Variants in FER observed in about 807,000 individuals in gnomAD.
FER encodes FER tyrosine kinase.
A neutral mutation model predicts 111.0 loss-of-function variants in FER; 63 were observed. The ratio of observed to expected loss-of-function variants is 0.57; its 90% confidence interval spans 0.46 to 0.70. The LOEUF is 0.70. Among genes scored for constraint, FER ranks in the 30% least tolerant of loss-of-function variants. The pLI is 0.00. For synonymous variants in FER, 327 were observed against 313.9 expected (o/e 1.04, Z -0.44); for missense variants, 914 against 954.0 (o/e 0.96, Z 0.55).
intron 17 of FER, among the ~76,000 whole-genome samples, chr5:109,125,768 T>C (rs879850695): frequency 1.3e-5 from 2 of 152,244 alleles, no homozygotes; most frequent in Non-Finnish European, 2.9e-5. Flanking sequence ...CCAAGTGTTT[T>C]ATTTTGTAAA....
rs141105806 is a variant in FER, at chr5:108,924,869, A to G, written c.1237-21261A>G. ...AAGAGTCCAGCAGGTCATCTATTTT[A>G]TGCGGCTGCTTCAAATGGGAAGGAT... is the stretch of plus-strand genomic sequence containing the variant. On this transcript the variant is annotated intron_variant, in intron 10 of 19. Transcript: ENST00000281092. The G allele has an allele frequency of 1.4e-5, 15 of 1,072,614 alleles. No homozygotes were observed. The African/African-American group carries it at 2.1e-4, about 15-fold the overall frequency. The allele number at this position is 1,072,614 out of a possible 1,614,324, so 66.4% of individuals were successfully genotyped here. A position where few individuals can be genotyped will look rare whatever the true frequency, so the allele number is the denominator to read the frequency against.
intron 3 of FER, among the ~76,000 whole-genome samples, chr5:108,805,309 C>T (rs1757087169): frequency 6.6e-6 from 1 of 152,190 alleles, no homozygotes; most frequent in Non-Finnish European, 1.5e-5. Flanking sequence ...TGAGGCCTCC[C>T]CAGCCATGTG....
At chr5:108,851,883 C>T (rs1175955752) in intron 5 of FER, among the ~76,000 whole-genome samples, 1 of 152,130 alleles carries the variant, frequency 6.6e-6, no homozygotes, top group Non-Finnish European at 1.5e-5. Context: ...AGTCTGAATG[C>T]TTCTGCTTTA....
At position 109,196,738 on chromosome 5, in the gene FER, AT is replaced by A. The variant is rs1313205088; in HGVS notation, c.*9169del. 2 of 152,102 alleles carry A rather than the reference AT, an allele frequency of 1.3e-5. No individual in the cohort carries two copies. The highest frequency in any genetic ancestry group is 4.8e-5 in the African/African-American group (2 of 41,416). 9.4% of individuals were successfully genotyped at this position (152,102 alleles called of 1,614,324 possible). A position where few individuals can be genotyped will look rare whatever the true frequency, so the allele number is the denominator to read the frequency against. Reference sequence around the variant, plus strand: ...TTCATCATTTTTGTAAACTTAGATCATTTTTTAATTGTCTTTTCTTTTCCAA... The same window carrying A: ...TTCATCATTTTTGTAAACTTAGATCATTTTTAATTGTCTTTTCTTTTCCAA... On this transcript the variant is annotated 3_prime_UTR_variant, in exon 20 of 20. Transcript: ENST00000281092.
chr5:108,880,744 A>C (rs1396061089), intron 8 of FER, among the ~76,000 whole-genome samples: 2 of 152,078 alleles, frequency 1.3e-5, no homozygotes, highest in Non-Finnish European at 2.9e-5. Context: ...TATATGATTA[A>C]AGAAAAATGT....
chr5:108,804,705 A>AT (rs1757018684), intron 3 of FER, among the ~76,000 whole-genome samples: 1 of 152,100 alleles, frequency 6.6e-6, no homozygotes, highest in Admixed American at 6.5e-5. Flanking sequence ...TGATGAATTA[A>AT]TTTTTTGATG....
intron 5 of FER, among the ~76,000 whole-genome samples, chr5:108,853,429 A>G (rs1762715583): frequency 6.6e-6 from 1 of 152,234 alleles, no homozygotes; most frequent in Non-Finnish European, 1.5e-5. Context: ...AAATGGTGAT[A>G]AATACCATGG....
At chr5:109,093,635 C>T (rs568135903) in intron 16 of FER, among the ~76,000 whole-genome samples, 107 of 152,178 alleles carry the variant, frequency 7.0e-4, no homozygotes, top group African/African-American at 2.5e-3. Context: ...CATTCAATTT[C>T]AGAAAATATT....
At chr5:109,018,030 G>T (rs1358209911) in intron 13 of FER, among the ~76,000 whole-genome samples, 1 of 151,826 alleles carries the variant, frequency 6.6e-6, no homozygotes, top group Admixed American at 6.6e-5. Flanking sequence ...GGGAAAGAAA[G>T]CATCATGTAT....
chr5:108,931,165 C>A (rs559977923), intron 10 of FER, among the ~76,000 whole-genome samples: 2 of 152,210 alleles, frequency 1.3e-5, no homozygotes, highest in South Asian at 4.1e-4. Context: ...TGGTGCTTGG[C>A]TTATAGTTAG....
intron 11 of FER, among the ~76,000 whole-genome samples, chr5:108,948,641 A>G (rs3797817): frequency 0.057 from 8,703 of 152,150 alleles, 574 homozygotes; most frequent in African/African-American, 0.16. Context: ...GTCCATTCCA[A>G]TTGAAAGTCT....
intron 13 of FER, among the ~76,000 whole-genome samples, chr5:109,025,000 C>A (rs1213512216): frequency 6.6e-6 from 1 of 151,750 alleles, no homozygotes; most frequent in African/African-American, 2.4e-5. Flanking sequence ...GGTACCAGTA[C>A]CATGCTGTTT....
At chr5:108,961,289 C>T (rs1759116384) in intron 13 of FER, among the ~76,000 whole-genome samples, 1 of 152,096 alleles carries the variant, frequency 6.6e-6, no homozygotes, top group Non-Finnish European at 1.5e-5. Context: ...CAGGCTTAGC[C>T]AGGTCTAAAT....
At chr5:108,821,520 A>G (rs960477235) in intron 3 of FER, among the ~76,000 whole-genome samples, 2 of 152,132 alleles carry the variant, frequency 1.3e-5, no homozygotes, top group Non-Finnish European at 2.9e-5. Flanking sequence ...TGACACAAAT[A>G]TGGTAGTGGT....
At chr5:109,000,142 TATATA>T (rs1261657736) in intron 13 of FER, among the ~76,000 whole-genome samples, 4 of 151,742 alleles carry the variant, frequency 2.6e-5, no homozygotes, top group African/African-American at 9.7e-5. Flanking sequence ...ATAAAGATGA[TATATA>T]ATATATATAT....
intron 16 of FER, among the ~76,000 whole-genome samples, chr5:109,071,776 T>G (rs1775796096): frequency 6.6e-6 from 1 of 151,984 alleles, no homozygotes; most frequent in South Asian, 2.1e-4. Context: ...ATTGACAATC[T>G]GGACATCATG....
intron 13 of FER, among the ~76,000 whole-genome samples, chr5:108,990,308 A>G (rs1419485475): frequency 1.5e-4 from 23 of 151,904 alleles, no homozygotes; most frequent in Admixed American, 1.4e-3. Context: ...ATTTAATCAA[A>G]CTTTAAAAAA....
chr5:109,003,537 A>G (rs1289077326), intron 13 of FER, among the ~76,000 whole-genome samples: 2 of 152,210 alleles, frequency 1.3e-5, no homozygotes, highest in African/African-American at 4.8e-5. Flanking sequence ...TTATGAGTGC[A>G]GCACACCAGC....
chr5:108,835,309 G>A (rs1760536674), intron 4 of FER, among the ~76,000 whole-genome samples: 1 of 149,232 alleles, frequency 6.7e-6, no homozygotes, highest in Non-Finnish European at 1.5e-5. Flanking sequence ...ATCCTCCCGA[G>A]TAGCTGGGAT....
Sources: gnomAD v4.1 joint callset for allele counts (sites outside exome capture counted in the v4.1 genomes callset) on GRCh38, gnomAD v4.1.1 for gene constraint, MANE v1.5 for transcripts, NCBI Gene and HGNC (gene_info 2026-07-23, HGNC 2026-07-21) for gene names.